Variants in RAPGEF5 observed in about 807,000 individuals in gnomAD.
RAPGEF5 encodes Rap guanine nucleotide exchange factor 5.
Under a neutral mutation model 125.2 loss-of-function variants are expected in RAPGEF5, and 65 were observed. The ratio of observed to expected loss-of-function variants is 0.52; its 90% confidence interval spans 0.43 to 0.64. RAPGEF5 has a LOEUF of 0.64. Among genes scored for constraint, RAPGEF5 ranks in the 30% least tolerant of loss-of-function variants. The probability of loss-of-function intolerance (pLI) is 0.00; values close to 1 mark genes in which losing one functional copy is unlikely to be tolerated. For missense variants in RAPGEF5, 958 were observed against 1,048.1 expected (o/e 0.91, Z 1.19); for synonymous variants, 391 against 385.9 (o/e 1.01, Z -0.16).
intron 18 of RAPGEF5, among the ~76,000 whole-genome samples, chr7:22,147,645 G>T (rs1325785682): frequency 1.3e-5 from 2 of 152,180 alleles, no homozygotes; most frequent in African/African-American, 4.8e-5. Context: ...TATGAGGCTG[G>T]TAACAGTATT....
chr7:22,194,467 T>C (rs1785097924), intron 9 of RAPGEF5: 8 of 578,018 alleles, frequency 1.4e-5, no homozygotes, highest in Non-Finnish European at 1.7e-5. Context: ...ATTGAAACAT[T>C]AAGACAATGA....
intron 12 of RAPGEF5, chr7:22,162,875 G>C (rs903386067): frequency 1.7e-5 from 8 of 473,558 alleles, no homozygotes; most frequent in Admixed American, 7.1e-5. Flanking sequence ...TCTAAGAAGA[G>C]AGCTAGCCTC....
At chr7:22,167,319 GA>G (rs1345357280) in intron 11 of RAPGEF5, among the ~76,000 whole-genome samples, 171 bp from the exon 12 acceptor site, 1 of 152,122 alleles carries the variant, frequency 6.6e-6, no homozygotes, top group Non-Finnish European at 1.5e-5. Flanking sequence ...TTAAAATTAA[GA>G]TATGAAAAAC....
chr7:22,314,291 T>C (rs886612203), intron 3 of RAPGEF5, among the ~76,000 whole-genome samples: 4 of 152,260 alleles, frequency 2.6e-5, no homozygotes, highest in African/African-American at 9.6e-5. Flanking sequence ...TATATCTGGA[T>C]AGTGGCTAAA....
At chr7:22,243,257 T>C (rs957308038) in intron 7 of RAPGEF5, among the ~76,000 whole-genome samples, 6 of 152,196 alleles carry the variant, frequency 3.9e-5, no homozygotes, top group African/African-American at 1.4e-4. Context: ...TTTGTTTGTT[T>C]GTTTTTGTTT....
At position 22,136,031 on chromosome 7, in the gene RAPGEF5, T is replaced by A; in HGVS notation, c.2416+7A>T. On this transcript the variant is annotated splice_region_variant and intron_variant, in intron 23 of 25. Transcript: ENST00000665637. ...ATTACATGGCATAAAAGATAGAAAA[T>A]CATTACCTTTAAGCAATAAGGGCAT... is the stretch of plus-strand genomic sequence containing the variant. The A allele has an allele frequency of 1.3e-6, 2 of 1,581,760 alleles. No individual in the cohort carries two copies. The highest frequency in any genetic ancestry group is 1.7e-6 in the Non-Finnish European group (2 of 1,154,504).
chr7:22,316,987 A>T (rs1480406390), intron 2 of RAPGEF5, among the ~76,000 whole-genome samples: 1 of 151,972 alleles, frequency 6.6e-6, no homozygotes, highest in South Asian at 2.1e-4. Flanking sequence ...AAAAAAAAAA[A>T]AAAAACAAAG....
In RAPGEF5 at chr7:22,230,832, A is replaced by G; in HGVS notation, c.870+14T>C. 1.3e-6 allele frequency: 2 copies of G among 1,560,582 alleles called. No individual in the cohort carries two copies. The highest frequency in any genetic ancestry group is 1.2e-5 in the South Asian group (1 of 84,970). ...GAAGGGTATGATGAGGGGCTGTCAC[A>G]GAATTGATCATACCTGAGAATCTGG... On this transcript the variant is annotated intron_variant, in intron 8 of 25. Coordinates refer to ENST00000665637, the MANE Select transcript of RAPGEF5 (RefSeq NM_012294.5).
intron 23 of RAPGEF5, among the ~76,000 whole-genome samples, chr7:22,132,028 A>G (rs1035161148): frequency 3.9e-5 from 6 of 152,246 alleles, no homozygotes; most frequent in Non-Finnish European, 5.9e-5. Flanking sequence ...ATCATGTTAT[A>G]TTACATATAT....
intron 7 of RAPGEF5, 127 bp downstream of exon 7, chr7:22,266,837 A>G (rs1782293721): frequency 1.2e-6 from 1 of 825,058 alleles, no homozygotes; most frequent in African/African-American, 1.7e-5. Flanking sequence ...TTAAAAACAA[A>G]TGGTATAATT....
chr7:22,334,619 T>C (rs1385724580), intron 1 of RAPGEF5, among the ~76,000 whole-genome samples: 1 of 152,234 alleles, frequency 6.6e-6, no homozygotes, highest in East Asian at 1.9e-4. Flanking sequence ...TACATATGTA[T>C]ACATATAAGA....
chr7:22,242,947 CAAAAA>C (rs537954162), intron 7 of RAPGEF5, among the ~76,000 whole-genome samples: 3 of 65,738 alleles, frequency 4.6e-5, no homozygotes, highest in Admixed American at 1.7e-4. Context: ...AACTCCGTCT[CAAAAA>C]AAAAAAAAAA....
At chr7:22,262,655 A>G (rs1782185096) in intron 7 of RAPGEF5, among the ~76,000 whole-genome samples, 2 of 152,366 alleles carry the variant, frequency 1.3e-5, no homozygotes, top group Admixed American at 6.5e-5. Flanking sequence ...TTCATTCAAA[A>G]TAGCCAAAGA....
Position 22,316,483 on chromosome 7 carries a change from A to AT in RAPGEF5, c.283-1008dup, listed in dbSNP as rs1246659633. 3.5e-3 allele frequency among the ~76,000 whole-genome samples: 108 copies of AT among 30,428 alleles called. 2 individuals carry two copies. The highest frequency in any genetic ancestry group is 0.01 in the East Asian group (8 of 764). 20.0% of individuals were successfully genotyped at this position (30,428 alleles called of 152,430 possible). On this transcript the variant is annotated intron_variant, in intron 2 of 25. Transcript: ENST00000665637. ...GACATATATATATATATATATATAT[A>AT]TATATATTTTTTTTTTTTTTTTTTT... is the stretch of plus-strand genomic sequence containing the variant.
At chr7:22,302,019 C>T (rs1025435525) in intron 5 of RAPGEF5, among the ~76,000 whole-genome samples, 11 of 152,132 alleles carry the variant, frequency 7.2e-5, no homozygotes, top group East Asian at 3.8e-4. Flanking sequence ...AGGCCAAACA[C>T]GGAAGCTTAA....
intron 25 of RAPGEF5, chr7:22,125,386 A>G (rs1583380390): frequency 1.2e-5 from 6 of 485,214 alleles, no homozygotes; most frequent in South Asian, 9.7e-5. Context: ...ACTTGCTGCC[A>G]TGAGGGGATA....
At chr7:22,272,069 C>T (rs1442365100) in intron 6 of RAPGEF5, among the ~76,000 whole-genome samples, 3 of 151,896 alleles carry the variant, frequency 2.0e-5, no homozygotes, top group South Asian at 2.1e-4. Context: ...TTGGGCCGGG[C>T]GCGGTGGCTC....
chr7:22,331,289 T>C lies in RAPGEF5; in HGVS notation c.232-13252A>G, dbSNP rs1266695920. 3.9e-5 allele frequency among the ~76,000 whole-genome samples: 6 copies of C among 152,222 alleles called. No homozygotes were observed. The East Asian group carries it at 1.2e-3, about 29-fold the overall frequency. ...AGCTGGACTGAAACTATTTTAAAAGTTGTAGATGGAACATAAAATGGAATG... is the reference window on the plus strand; with the variant it reads ...AGCTGGACTGAAACTATTTTAAAAGCTGTAGATGGAACATAAAATGGAATG... On this transcript the variant is annotated intron_variant, in intron 1 of 25. Transcript: ENST00000665637.
chr7:22,246,947 C>A (rs1478095924), intron 7 of RAPGEF5, among the ~76,000 whole-genome samples: 3 of 152,162 alleles, frequency 2.0e-5, no homozygotes, highest in Non-Finnish European at 4.4e-5. Context: ...CAAAAGAAGA[C>A]ACACAAGCAG....
Sources: gnomAD v4.1 joint callset for allele counts (sites outside exome capture counted in the v4.1 genomes callset) on GRCh38, gnomAD v4.1.1 for gene constraint, MANE v1.5 for transcripts, NCBI Gene and HGNC (gene_info 2026-07-23, HGNC 2026-07-21) for gene names.